ROBO1: variants seen among roughly 807,000 people sequenced by gnomAD.
ROBO1 encodes roundabout homolog 1.
ROBO1 carries 149 observed loss-of-function variants against 195.9 expected under a neutral mutation model. The observed-to-expected ratio is 0.76, with a 90% CI of 0.67 to 0.87. The LOEUF is 0.87. Ranked by LOEUF, ROBO1 falls within the 40% of genes least tolerant of loss-of-function variation. The probability of loss-of-function intolerance (pLI) is 0.00; values close to 1 mark genes in which losing one functional copy is unlikely to be tolerated. For synonymous variants in ROBO1, 816 were observed against 733.2 expected, an observed-to-expected ratio of 1.11 and a Z score of -1.82; for missense variants, 1,933 against 2,068.3, an observed-to-expected ratio of 0.93 and a Z score of 1.27.
chr3:79,596,253 C>A (rs1944166473), intron 1 of ROBO1, among the ~76,000 whole-genome samples: 1 of 152,040 alleles, frequency 6.6e-6, no homozygotes, highest in South Asian at 2.1e-4. Context: ...GAGCTCTGTG[C>A]CAGACAGGGG....
At chr3:78,921,394 T>C (rs1404241410) in intron 4 of ROBO1, among the ~76,000 whole-genome samples, 1 of 152,166 alleles carries the variant, frequency 6.6e-6, no homozygotes, top group Non-Finnish European at 1.5e-5. Context: ...CGCTTAAAAA[T>C]CTTCCAAACA....
At chr3:79,314,201 T>TATTTTTA (rs1435109110) in intron 2 of ROBO1, among the ~76,000 whole-genome samples, 1 of 152,242 alleles carries the variant, frequency 6.6e-6, no homozygotes, top group Non-Finnish European at 1.5e-5. Flanking sequence ...TTTTAGGTTT[T>TATTTTTA]ATTTTTAATT....
At chr3:79,597,745 G>C (rs912126241) in intron 1 of ROBO1, among the ~76,000 whole-genome samples, 12 of 152,044 alleles carry the variant, frequency 7.9e-5, no homozygotes, top group African/African-American at 2.9e-4. Context: ...AGTAACAAAA[G>C]ACTGTTGGAA....
intron 4 of ROBO1, among the ~76,000 whole-genome samples, chr3:78,799,781 T>C (rs1294490179): frequency 2.0e-5 from 3 of 152,212 alleles, no homozygotes; most frequent in Admixed American, 1.3e-4. Context: ...AAGATTTTCT[T>C]GTGCTACTTC....
intron 2 of ROBO1, among the ~76,000 whole-genome samples, chr3:79,301,339 C>T (rs1248372925): frequency 6.6e-6 from 1 of 152,200 alleles, no homozygotes; most frequent in South Asian, 2.1e-4. Flanking sequence ...CCCACCAATT[C>T]CGCACACAGT....
intron 2 of ROBO1, among the ~76,000 whole-genome samples, chr3:79,265,733 G>A (rs1259886053): frequency 6.6e-6 from 1 of 151,332 alleles, no homozygotes; most frequent in African/African-American, 2.4e-5. Context: ...ATAGAAGTTT[G>A]TGTACTATAG....
At chr3:78,662,311 G>T (rs1707471135) in intron 14 of ROBO1, among the ~76,000 whole-genome samples, 197 bp from the exon 15 acceptor site, 1 of 151,616 alleles carries the variant, frequency 6.6e-6, no homozygotes, top group Non-Finnish European at 1.5e-5. Context: ...GGGATAGAGA[G>T]AGTAGAGAGA....
intron 1 of ROBO1, among the ~76,000 whole-genome samples, chr3:79,739,906 C>T (rs1159859945): frequency 6.6e-6 from 1 of 151,980 alleles, no homozygotes; most frequent in Non-Finnish European, 1.5e-5. Context: ...TCAGACTGCT[C>T]CTTGAGATTC....
chr3:79,371,382 T>C (rs563851356), intron 2 of ROBO1, among the ~76,000 whole-genome samples: 2 of 152,294 alleles, frequency 1.3e-5, no homozygotes, highest in East Asian at 3.9e-4. Flanking sequence ...CAAATAAATA[T>C]AAGATAATGG....
chr3:78,670,271 C>A lies in ROBO1; in HGVS notation c.1373G>T (p.Arg458Leu). 1 of 1,576,440 alleles carries A rather than the reference C, an allele frequency of 6.3e-7. No individual in the cohort carries two copies. Among genetic ancestry groups the A allele is most frequent in the Non-Finnish European group, 8.6e-7 (1 of 1,160,030 alleles). Residue 458 changes from arginine to leucine, a missense_variant, in exon 11 of 31, where the codon CGA becomes CTA. This residue lies in a region of ROBO1 where 1,737 missense variants were observed against 1,882.5 expected (regional missense o/e 0.92). Transcript: ENST00000464233. ...TACAGTCTGATTCACAGGACCTTGT[C>A]GAATAACTGGGGGAGGCCGATCTGC... ...VIADRPPPVI[R>L]QGPVNQTVAV... is the part of the protein sequence containing the mutation.
chr3:79,637,970 A>C, intron 1 of ROBO1, among the ~76,000 whole-genome samples: 1 of 152,178 alleles, frequency 6.6e-6, no homozygotes, highest in East Asian at 1.9e-4. Context: ...TATTCTCTAA[A>C]ATATTTTATT....
At chr3:79,171,577 A>C (rs1257983852) in intron 2 of ROBO1, among the ~76,000 whole-genome samples, 3 of 152,110 alleles carry the variant, frequency 2.0e-5, no homozygotes, top group Non-Finnish European at 4.4e-5. Context: ...ACACATACAT[A>C]AAGGGATAAA....
intron 4 of ROBO1, among the ~76,000 whole-genome samples, chr3:78,906,568 T>C (rs1423664798): frequency 2.0e-5 from 3 of 152,210 alleles, no homozygotes; most frequent in Middle Eastern, 3.4e-3. Flanking sequence ...CTGGACCAAA[T>C]ATGTATGAGT....
intron 26 of ROBO1, among the ~76,000 whole-genome samples, chr3:78,626,205 T>A (rs1704769036): frequency 6.6e-6 from 1 of 152,182 alleles, no homozygotes; most frequent in Non-Finnish European, 1.5e-5. Flanking sequence ...TGGCTTCTAA[T>A]AAGAGTAGCA....
At chr3:78,886,231 T>C (rs2036563707) in intron 4 of ROBO1, among the ~76,000 whole-genome samples, 2 of 151,998 alleles carry the variant, frequency 1.3e-5, no homozygotes, top group South Asian at 4.1e-4. Flanking sequence ...AAAAGAATAA[T>C]ACTTATACTT....
chr3:79,170,180 A>T (rs2081142151), intron 2 of ROBO1, among the ~76,000 whole-genome samples: 1 of 152,082 alleles, frequency 6.6e-6, no homozygotes, highest in African/African-American at 2.4e-5. Context: ...AATCAAGAGT[A>T]AAGGGGCAAA....
chr3:79,520,010 A>G (rs1941139363), intron 2 of ROBO1, among the ~76,000 whole-genome samples: 1 of 151,988 alleles, frequency 6.6e-6, no homozygotes, highest in Non-Finnish European at 1.5e-5. Context: ...AATTTTAAAA[A>G]AGAAAAAATC....
chr3:78,813,390 T>C (rs1248454104), intron 4 of ROBO1, among the ~76,000 whole-genome samples: 1 of 152,092 alleles, frequency 6.6e-6, no homozygotes, highest in Non-Finnish European at 1.5e-5. Flanking sequence ...CTTGGTTTTG[T>C]TGGATTTTAC....
chr3:78,773,786 A>T (rs1425029893), intron 4 of ROBO1, among the ~76,000 whole-genome samples: 3 of 152,160 alleles, frequency 2.0e-5, no homozygotes, highest in Admixed American at 2.0e-4. Context: ...TCTGGTACAC[A>T]GTGGGTGCAC....
Sources: gnomAD v4.1 joint callset for allele counts (sites outside exome capture counted in the v4.1 genomes callset) on GRCh38, gnomAD v4.1.1 for gene constraint, gnomAD v4.1.1 regional missense constraint, MANE v1.5 for transcripts, NCBI Gene and HGNC (gene_info 2026-07-23, HGNC 2026-07-21) for gene names.